Variants in SLC4A4 observed in about 807,000 individuals in gnomAD.
SLC4A4 encodes electrogenic sodium bicarbonate cotransporter 1.
Under a neutral mutation model 111.5 loss-of-function variants are expected in SLC4A4, and 27 were observed. The observed-to-expected ratio is 0.24, with a 90% CI of 0.18 to 0.33. The LOEUF is 0.33. Ranked by LOEUF, SLC4A4 falls within the 10% of genes least tolerant of loss-of-function variation. SLC4A4 has a pLI of 1.00. For missense variants in SLC4A4, 909 were observed against 1,315.5 expected, an observed-to-expected ratio of 0.69 and a Z score of 4.78; for synonymous variants, 443 against 463.4, an observed-to-expected ratio of 0.96 and a Z score of 0.57.
Position 71,450,511 on chromosome 4 carries a change from G to A in SLC4A4, c.1176G>A (p.Glu392=). ...AATGGGATCCAGCAATTAGGATAGA[G>A]CCTCCTAAGAGTCTTCCATCCTCTG... The part of the protein sequence containing the change: ...PGEWDPAIRI[E]PPKSLPSSDK... The change falls in exon 10 of 26, where the codon GAG becomes GAA. Residue 392 remains glutamate (E), a synonymous_variant. Coordinates refer to ENST00000264485, the MANE Select transcript of SLC4A4 (RefSeq NM_001098484.3). 6.2e-7 allele frequency: 1 copy of A among 1,613,678 alleles called. No individual in the cohort carries two copies. Among genetic ancestry groups the A allele is most frequent in the Non-Finnish European group, 8.5e-7 (1 of 1,179,834 alleles).
At chr4:71,147,642 A>C (rs1744213120) in intron 2 of SLC4A4, among the ~76,000 whole-genome samples, 1 of 152,124 alleles carries the variant, frequency 6.6e-6, no homozygotes, top group African/African-American at 2.4e-5. Context: ...TCAGAATATC[A>C]AGCTAATTTA....
chr4:71,568,549 T>C lies in SLC4A4; in HGVS notation c.*798T>C, dbSNP rs556048830. 6.6e-6 allele frequency: 1 copy of C among 152,330 alleles called. No homozygotes were observed. Among genetic ancestry groups the C allele is most frequent in the African/African-American group, 2.4e-5 (1 of 41,516 alleles). The allele number at this position is 152,330 out of a possible 1,614,324, so 9.4% of individuals were successfully genotyped here. ...TAATGAACTTATCTGTTGAGTACAT[T>C]GAAGAATATTTTTCTTCCTAGATTT... On this transcript the variant is annotated 3_prime_UTR_variant, in exon 26 of 26. Coordinates refer to ENST00000264485, the MANE Select transcript of SLC4A4 (RefSeq NM_001098484.3).
intron 15 of SLC4A4, among the ~76,000 whole-genome samples, chr4:71,491,447 T>C (rs1729901507): frequency 1.3e-5 from 2 of 151,934 alleles, no homozygotes; most frequent in Non-Finnish European, 2.9e-5. Context: ...TGCATGTTCT[T>C]CTCATGTCTG....
At chr4:71,387,447 T>C (rs1718853345) in intron 6 of SLC4A4, among the ~76,000 whole-genome samples, 2 of 152,174 alleles carry the variant, frequency 1.3e-5, no homozygotes, top group Admixed American at 1.3e-4. Context: ...AGTTACTATG[T>C]CATATACTAA....
intron 3 of SLC4A4, among the ~76,000 whole-genome samples, chr4:71,295,677 T>A (rs112742684): frequency 1.3e-5 from 2 of 151,784 alleles, no homozygotes; most frequent in African/African-American, 4.8e-5. Flanking sequence ...TCTTTTTTTT[T>A]ACATGGAGTC....
intron 6 of SLC4A4, among the ~76,000 whole-genome samples, chr4:71,389,421 C>T (rs1450251959): frequency 6.6e-6 from 1 of 152,182 alleles, no homozygotes; most frequent in Non-Finnish European, 1.5e-5. Context: ...TTCTCTACCC[C>T]AGCCTCTCCT....
intron 2 of SLC4A4, among the ~76,000 whole-genome samples, chr4:71,146,694 A>G (rs1409321703): frequency 2.0e-5 from 3 of 152,066 alleles, no homozygotes; most frequent in Non-Finnish European, 4.4e-5. Flanking sequence ...TCCCTTTACC[A>G]TTATGTAACC....
intron 16 of SLC4A4, among the ~76,000 whole-genome samples, chr4:71,527,645 A>G (rs2149203281): frequency 6.6e-6 from 1 of 151,912 alleles, no homozygotes; most frequent in Middle Eastern, 3.4e-3. Context: ...TCTGCCAAAG[A>G]ATTGCAGATT....
chr4:71,450,690 A>C, intron 10 of SLC4A4, 147 bp downstream of exon 10: 1 of 735,906 alleles, frequency 1.4e-6, no homozygotes, highest in Middle Eastern at 3.8e-4. Context: ...TGGATCACTT[A>C]TGTGCCTTGG....
intron 6 of SLC4A4, among the ~76,000 whole-genome samples, chr4:71,382,216 T>C (rs1718214164): frequency 6.6e-6 from 1 of 152,194 alleles, no homozygotes; most frequent in Non-Finnish European, 1.5e-5. Flanking sequence ...TGATCGAAGT[T>C]TTAGTTTTCC....
intron 4 of SLC4A4, among the ~76,000 whole-genome samples, chr4:71,342,192 G>A (rs1056029722): frequency 1.1e-4 from 16 of 152,084 alleles, no homozygotes; most frequent in Admixed American, 3.3e-4. Flanking sequence ...TACATCAACT[G>A]TTTCTTGTTC....
At chr4:71,086,863 T>C (rs980044273) in intron 1 of SLC4A4, among the ~76,000 whole-genome samples, 2 of 152,004 alleles carry the variant, frequency 1.3e-5, no homozygotes, top group African/African-American at 4.8e-5. Flanking sequence ...GGTCTAAAAT[T>C]CTCTTTTTTT....
At chr4:71,461,705 T>C (rs1169289028) in intron 12 of SLC4A4, among the ~76,000 whole-genome samples, 1 of 152,136 alleles carries the variant, frequency 6.6e-6, no homozygotes, top group Non-Finnish European at 1.5e-5. Flanking sequence ...AAAAAATATG[T>C]TTTACTATTC....
intron 16 of SLC4A4, among the ~76,000 whole-genome samples, chr4:71,499,866 C>T (rs1275072988): frequency 7.9e-5 from 12 of 152,038 alleles, no homozygotes; most frequent in African/African-American, 1.9e-4. Context: ...TTGGCCATTG[C>T]GAATAATGCT....
At chr4:71,378,410 A>T (rs903256414) in intron 6 of SLC4A4, among the ~76,000 whole-genome samples, 6 of 152,202 alleles carry the variant, frequency 3.9e-5, no homozygotes, top group Non-Finnish European at 8.8e-5. Context: ...GGCTTTTCAC[A>T]TAATGAGGGA....
rs558014403 is a variant in SLC4A4 at position 71,314,140 on chromosome 4, G to A, written c.254-25230G>A. Among the ~76,000 whole-genome samples the A allele has an allele frequency of 3.9e-4, 60 of 152,008 alleles. No homozygotes were observed. The South Asian group carries it at 0.012, about 30-fold the overall frequency. ...ATGAACAGACACTTCTCAAAAGAAGGCATTTATGTGGCCAAGAAACATATA... is the reference window on the plus strand; with the variant it reads ...ATGAACAGACACTTCTCAAAAGAAGACATTTATGTGGCCAAGAAACATATA... On this transcript the variant is annotated intron_variant, in intron 3 of 25. Coordinates refer to ENST00000264485, the MANE Select transcript of SLC4A4 (RefSeq NM_001098484.3).
chr4:71,134,963 G>T lies in SLC4A4; in HGVS notation c.-2+42171G>T, dbSNP rs535276982. ...AGGATGATGAAGCTTCCTCCTGAGG[G>T]GGATGGCATTTGGCATAAACCATAG... On this transcript the variant is annotated intron_variant, in intron 2 of 26. Coordinates refer to the SLC4A4 transcript ENST00000649996. 5.9e-5 allele frequency among the ~76,000 whole-genome samples: 9 copies of T among 152,252 alleles called. No individual in the cohort carries two copies. In the South Asian group the frequency reaches 1.5e-3, roughly 25 times the overall value.
At chr4:71,515,595 T>C (rs748705069) in intron 16 of SLC4A4, among the ~76,000 whole-genome samples, 1 of 152,216 alleles carries the variant, frequency 6.6e-6, no homozygotes, top group Non-Finnish European at 1.5e-5. Context: ...ACTGTTATTG[T>C]ATTGCATTCC....
At chr4:71,271,116 G>T (rs1466394357) in intron 3 of SLC4A4, among the ~76,000 whole-genome samples, 2 of 152,050 alleles carry the variant, frequency 1.3e-5, no homozygotes, top group African/African-American at 4.8e-5. Flanking sequence ...TGTCTATGTG[G>T]ACACCTTCAC....
Sources: allele counts gnomAD v4.1 joint callset (sites outside exome capture counted in the v4.1 genomes callset), GRCh38; gene constraint gnomAD v4.1.1; transcripts MANE v1.5; gene names NCBI Gene and HGNC (gene_info 2026-07-23, HGNC 2026-07-21).